Variants in OR4C46 observed in about 807,000 individuals in gnomAD.
OR4C46 encodes olfactory receptor 4C46.
OR4C46 carries 17 observed loss-of-function variants against 11.8 expected under a neutral mutation model. The ratio of observed to expected loss-of-function variants is 1.44; its 90% CI spans 0.98 to 2.16. The LOEUF (loss-of-function observed/expected upper bound fraction) is 2.16. Ranked by LOEUF, OR4C46 falls within the 30% of genes most tolerant of loss-of-function variation. OR4C46 has a pLI of 0.00. For synonymous variants in OR4C46, 224 were observed against 137.6 expected, an observed-to-expected ratio of 1.63 and a Z score of -4.39; for missense variants, 606 against 372.1, an observed-to-expected ratio of 1.63 and a Z score of -5.17.
In OR4C46 at chr11:54,603,610, T is replaced by C. The variant is rs747065347; in HGVS notation, c.389A>G (p.Tyr130Cys). 3 of 1,614,014 alleles carry C rather than the reference T, an allele frequency of 1.9e-6. No homozygotes were observed. Among genetic ancestry groups the C allele is most frequent in the Non-Finnish European group, 2.5e-6 (3 of 1,180,000 alleles). The part of the protein sequence containing the change: ...HYVAICKPLH[Y>C]MTIMNQCVCA... The stretch of plus-strand genomic sequence containing the variant: ...CACACACTGGTTCATGATAGTCATA[T>C]AGTGCAAGGGCTTGCAGATGGCCAC... The change falls in exon 1 of 1, where the codon TAT (tyrosine) becomes TGT (cysteine). Residue 130 changes from tyrosine (Y) to cysteine (C), a missense_variant. Physicochemically the swap from Tyr to Cys is radical, Grantham distance 194 (BLOSUM62 -2). Coordinates refer to ENST00000328188, the MANE Select transcript of OR4C46 (RefSeq NM_001004703.1).
At position 54,603,971 on chromosome 11, in the gene OR4C46, A is replaced by G. The variant is rs749495048; in HGVS notation, c.28T>C (p.Phe10Leu). ...TTCTCTGTAAGCCCCAGCAAAACAA[A>G]CTCTGTCATGTTATTCCTATTCTCC... The part of the protein sequence containing the change: MENRNNMTE[F>L]VLLGLTENPK... The change falls in exon 1 of 1, where the codon TTT becomes CTT. Residue 10 changes from phenylalanine (F) to leucine (L), a missense_variant. Physicochemically the swap from Phe to Leu is conservative, Grantham distance 22. Transcript: ENST00000328188. The G allele has an allele frequency of 1.1e-5, 17 of 1,613,184 alleles. No individual in the cohort carries two copies. The highest frequency in any genetic ancestry group is 1.7e-5 in the Admixed American group (1 of 59,970).
Position 54,603,477 on chromosome 11 carries a change from G to C in OR4C46, c.522C>G (p.His174Gln), listed in dbSNP as rs139286492. 7 of 1,613,662 alleles carry C rather than the reference G, an allele frequency of 4.3e-6. No individual in the cohort carries two copies. Among genetic ancestry groups the C allele is most frequent in the East Asian group, 2.2e-5 (1 of 44,854 alleles). The change falls in exon 1 of 1, where the codon CAC becomes CAG. Residue 174 changes from histidine to glutamine, a missense_variant. Transcript: ENST00000328188. ...LPFCGPNVID[H>Q]FMCDLNPLLN... ...GCAAAGGGTTCAGATCACACATAAA[G>C]TGATCTATGACATTAGGACCACAGA...
rs757524483 is a variant in OR4C46 at position 54,603,462 on chromosome 11, C to G, written c.537G>C (p.Leu179=). 1.9e-6 allele frequency: 3 copies of G among 1,613,650 alleles called. No individual in the cohort carries two copies. The East Asian group carries it at 6.7e-5, about 36-fold the overall frequency. Reference sequence around the variant, plus strand: ...TGCAGGCGAGGTTGAGCAAAGGGTTCAGATCACACATAAAGTGATCTATGA... The same window carrying G: ...TGCAGGCGAGGTTGAGCAAAGGGTTGAGATCACACATAAAGTGATCTATGA... The part of the protein sequence containing the change: ...PNVIDHFMCD[L]NPLLNLACTD... Residue 179 remains leucine (L), a synonymous_variant, in exon 1 of 1, where the codon CTG becomes CTC. Transcript: ENST00000328188.
At position 54,603,843 on chromosome 11, in the gene OR4C46, T is replaced by C; in HGVS notation, c.156A>G (p.Ser52=). ...GGGAAAGGTACATGGGGGACCCCAG[T>C]GATGGGCTGGCAGTGATGGTGACCA... The part of the protein sequence containing the change: ...LIVVTITASP[S]LGSPMYLSLA... The change falls in exon 1 of 1, where the codon TCA becomes TCG. Residue 52 remains serine (S), a synonymous_variant. Transcript: ENST00000328188. 6.2e-7 allele frequency: 1 copy of C among 1,600,294 alleles called. No individual in the cohort carries two copies. Among genetic ancestry groups the C allele is most frequent in the Non-Finnish European group, 8.5e-7 (1 of 1,179,430 alleles).
rs532542447 is a variant in OR4C46 at position 54,603,206 on chromosome 11, T to C, written c.793A>G (p.Ile265Val). Residue 265 changes from isoleucine (I) to valine (V), a missense_variant, in exon 1 of 1, where the codon ATT becomes GTT. By Grantham distance (29) the Ile-to-Val change is conservative. Transcript: ENST00000328188. ...TAGAATATAGCAACTGCTTTATCAA[T>C]AGGTAAAGTAGCTGCAGGTCTCATG... is the stretch of plus-strand genomic sequence containing the variant. ...VYMRPAATLP[I>V]DKAVAIFYTM... 1.9e-6 allele frequency: 3 copies of C among 1,605,172 alleles called. No homozygotes were observed. Among genetic ancestry groups the C allele is most frequent in the East Asian group, 2.2e-5 (1 of 44,732 alleles).
chr11:54,603,779 C>G lies in OR4C46; in HGVS notation c.220G>C (p.Val74Leu). Residue 74 changes from valine to leucine, a missense_variant, in exon 1 of 1, where the codon GTC becomes CTC. Val to Leu is a conservative substitution (Grantham distance 32, BLOSUM62 1). Coordinates refer to ENST00000328188, the MANE Select transcript of OR4C46 (RefSeq NM_001004703.1). The part of the protein sequence containing the change: ...LSFIDACYSS[V>L]NTPNLITHSL... ...TGTGTGATCAGGTTAGGGGTATTGA[C>G]AGAGGAATAGCAGGCATCAATAAAG... 1 of 1,613,628 alleles carries G rather than the reference C, an allele frequency of 6.2e-7. No individual in the cohort carries two copies. Among genetic ancestry groups the G allele is most frequent in the Non-Finnish European group, 8.5e-7 (1 of 1,179,794 alleles).
rs768523370 is a variant in OR4C46, at chr11:54,603,853, G to A, written c.146C>T (p.Ala49Val). The change falls in exon 1 of 1, where the codon GCC becomes GTC. Residue 49 changes from alanine to valine, a missense_variant. By Grantham distance (64) the Ala-to-Val change is moderately conservative. Coordinates refer to ENST00000328188, the MANE Select transcript of OR4C46 (RefSeq NM_001004703.1). ...GYVLIVVTIT[A>V]SPSLGSPMYL... ...CATGGGGGACCCCAGTGATGGGCTG[G>A]CAGTGATGGTGACCACAATGAGCAC... 1.2e-6 allele frequency: 2 copies of A among 1,600,300 alleles called. No homozygotes were observed. Among genetic ancestry groups the A allele is most frequent in the Non-Finnish European group, 1.7e-6 (2 of 1,179,442 alleles).
rs1211497244 is a variant in OR4C46, at chr11:54,603,595, T to A, written c.404A>T (p.Asn135Ile). 2 of 1,613,948 alleles carry A rather than the reference T, an allele frequency of 1.2e-6. No homozygotes were observed. The highest frequency in any genetic ancestry group is 1.7e-6 in the Non-Finnish European group (2 of 1,179,970). Residue 135 changes from asparagine (N) to isoleucine (I), a missense_variant, in exon 1 of 1, where the codon AAC becomes ATC. By Grantham distance (149) the Asn-to-Ile change is moderately radical. Coordinates refer to ENST00000328188, the MANE Select transcript of OR4C46 (RefSeq NM_001004703.1). ...CATTAGCAGGGCACACACACACTGG[T>A]TCATGATAGTCATATAGTGCAAGGG... is the stretch of plus-strand genomic sequence containing the variant. ...CKPLHYMTIMNQCVCALLMGV... is the reference protein window; with the variant it reads ...CKPLHYMTIMIQCVCALLMGV...
In OR4C46 at chr11:54,603,778, A is replaced by T; in HGVS notation, c.221T>A (p.Val74Asp). 6.2e-7 allele frequency: 1 copy of T among 1,613,778 alleles called. No individual in the cohort carries two copies. Among genetic ancestry groups the T allele is most frequent in the South Asian group, 1.1e-5 (1 of 91,074 alleles). Reference protein sequence around the residue: ...LSFIDACYSSVNTPNLITHSL... With the variant: ...LSFIDACYSSDNTPNLITHSL... ...ATGTGTGATCAGGTTAGGGGTATTG[A>T]CAGAGGAATAGCAGGCATCAATAAA... The change falls in exon 1 of 1, where the codon GTC becomes GAC. Residue 74 changes from valine to aspartate, a missense_variant. Val to Asp is a radical substitution (Grantham distance 152, BLOSUM62 -3). Transcript: ENST00000328188.
At position 54,603,875 on chromosome 11, in the gene OR4C46, G is replaced by A. The variant is rs145678822; in HGVS notation, c.124C>T (p.Leu42Phe). 76 of 1,613,402 alleles carry A rather than the reference G, an allele frequency of 4.7e-5. No individual in the cohort carries two copies. The highest frequency in any genetic ancestry group is 5.8e-5 in the Non-Finnish European group (68 of 1,179,796). The change falls in exon 1 of 1, where the codon CTC (leucine) becomes TTC (phenylalanine). Residue 42 changes from leucine to phenylalanine, a missense_variant. Transcript: ENST00000328188. Reference protein sequence around the residue: ...IYIITVVGYVLIVVTITASPS... With the variant: ...IYIITVVGYVFIVVTITASPS... ...CTGGCAGTGATGGTGACCACAATGAGCACATATCCCACCACAGTGATGATA... is the reference window on the plus strand; with the variant it reads ...CTGGCAGTGATGGTGACCACAATGAACACATATCCCACCACAGTGATGATA...
chr11:54,603,580 G>A lies in OR4C46; in HGVS notation c.419C>T (p.Ala140Val), dbSNP rs959220684. The A allele has an allele frequency of 1.9e-6, 3 of 1,613,994 alleles. No homozygotes were observed. Among genetic ancestry groups the A allele is most frequent in the Non-Finnish European group, 2.5e-6 (3 of 1,179,950 alleles). The change falls in exon 1 of 1, where the codon GCC becomes GTC. Residue 140 changes from alanine to valine, a missense_variant. Transcript: ENST00000328188. ...CATCCACACCACTCCCATTAGCAGG[G>A]CACACACACACTGGTTCATGATAGT... ...YMTIMNQCVCALLMGVVWMGG... is the reference protein window; with the variant it reads ...YMTIMNQCVCVLLMGVVWMGG...
In OR4C46 at chr11:54,603,830, T is replaced by A; in HGVS notation, c.169A>T (p.Met57Leu). Reference sequence around the variant, plus strand: ...GAGAGATAGGCCAGGGAAAGGTACATGGGGGACCCCAGTGATGGGCTGGCA... The same window carrying A: ...GAGAGATAGGCCAGGGAAAGGTACAAGGGGGACCCCAGTGATGGGCTGGCA... Reference protein sequence around the residue: ...ITASPSLGSPMYLSLAYLSFI... With the variant: ...ITASPSLGSPLYLSLAYLSFI... The change falls in exon 1 of 1, where the codon ATG (methionine) becomes TTG (leucine). Residue 57 changes from methionine (M) to leucine (L), a missense_variant. By Grantham distance (15) the Met-to-Leu change is conservative (BLOSUM62 2). Coordinates refer to ENST00000328188, the MANE Select transcript of OR4C46 (RefSeq NM_001004703.1). 6.2e-7 allele frequency: 1 copy of A among 1,613,308 alleles called. No individual in the cohort carries two copies. Among genetic ancestry groups the A allele is most frequent in the Non-Finnish European group, 8.5e-7 (1 of 1,179,820 alleles).
In OR4C46 at chr11:54,603,448, T is replaced by C. The variant is rs542907725; in HGVS notation, c.551A>G (p.Asn184Ser). 3.7e-5 allele frequency: 60 copies of C among 1,613,394 alleles called. No individual in the cohort carries two copies. The East Asian group carries it at 1.3e-3, about 35-fold the overall frequency. Residue 184 changes from asparagine to serine, a missense_variant, in exon 1 of 1, where the codon AAC (asparagine) becomes AGC (serine). By Grantham distance (46) the Asn-to-Ser change is conservative. Transcript: ENST00000328188. Reference protein sequence around the residue: ...HFMCDLNPLLNLACTDTHMLE... With the variant: ...HFMCDLNPLLSLACTDTHMLE... ...CATATGGGTGTCAGTGCAGGCGAGG[T>C]TGAGCAAAGGGTTCAGATCACACAT... is the stretch of plus-strand genomic sequence containing the variant.
At position 54,603,494 on chromosome 11, in the gene OR4C46, G is replaced by A; in HGVS notation, c.505C>T (p.Pro169Ser). Residue 169 changes from proline to serine, a missense_variant, in exon 1 of 1, where the codon CCT (proline) becomes TCT (serine). Transcript: ENST00000328188. ...LFIFQLPFCG[P>S]NVIDHFMCDL... ...CACATAAAGTGATCTATGACATTAGGACCACAGAAAGGTAATTGGAAGATG... is the reference window on the plus strand; with the variant it reads ...CACATAAAGTGATCTATGACATTAGAACCACAGAAAGGTAATTGGAAGATG... 1.9e-6 allele frequency: 3 copies of A among 1,613,634 alleles called. No individual in the cohort carries two copies. Among genetic ancestry groups the A allele is most frequent in the Non-Finnish European group, 2.5e-6 (3 of 1,179,650 alleles).
In OR4C46 at chr11:54,603,793, G is replaced by A. The variant is rs766433778; in HGVS notation, c.206C>T (p.Ala69Val). 1.2e-6 allele frequency: 2 copies of A among 1,613,846 alleles called. No individual in the cohort carries two copies. The highest frequency in any genetic ancestry group is 1.1e-5 in the South Asian group (1 of 91,074). The change falls in exon 1 of 1, where the codon GCC becomes GTC. Residue 69 changes from alanine (A) to valine (V), a missense_variant. Ala to Val is a moderately conservative substitution (Grantham distance 64). Coordinates refer to ENST00000328188, the MANE Select transcript of OR4C46 (RefSeq NM_001004703.1). The stretch of plus-strand genomic sequence containing the variant: ...AGGGGTATTGACAGAGGAATAGCAG[G>A]CATCAATAAAGGAGAGATAGGCCAG... ...LSLAYLSFID[A>V]CYSSVNTPNL...
rs770974918 is a variant in OR4C46 at position 54,603,258 on chromosome 11, T to G, written c.741A>C (p.Leu247Phe). Residue 247 changes from leucine to phenylalanine, a missense_variant, in exon 1 of 1, where the codon TTA (leucine) becomes TTC (phenylalanine). Leu to Phe is a conservative substitution (Grantham distance 22). Coordinates refer to ENST00000328188, the MANE Select transcript of OR4C46 (RefSeq NM_001004703.1). ...ACACAAATATGCAGGGCACAAAGAA[T>G]AAGATGACAACCGTGATGTGGGAGA... ...TCVSHITVVILFFVPCIFVYM... is the reference protein window; with the variant it reads ...TCVSHITVVIFFFVPCIFVYM... The G allele has an allele frequency of 1.2e-4, 199 of 1,613,128 alleles. 2 individuals are homozygous for G. The South Asian group carries it at 1.4e-3, about 12-fold the overall frequency.
Position 54,603,583 on chromosome 11 carries a change from C to T in OR4C46, c.416G>A (p.Cys139Tyr), listed in dbSNP as rs200340782. The T allele has an allele frequency of 3.9e-5, 63 of 1,613,954 alleles. No homozygotes were observed. Among genetic ancestry groups the T allele is most frequent in the East Asian group, 2.2e-4 (10 of 44,886 alleles). ...CCACACCACTCCCATTAGCAGGGCACACACACACTGGTTCATGATAGTCAT... is the reference window on the plus strand; with the variant it reads ...CCACACCACTCCCATTAGCAGGGCATACACACACTGGTTCATGATAGTCAT... ...HYMTIMNQCV[C>Y]ALLMGVVWMG... Residue 139 changes from cysteine (C) to tyrosine (Y), a missense_variant, in exon 1 of 1, where the codon TGT becomes TAT. Physicochemically the swap from Cys to Tyr is radical, Grantham distance 194 (BLOSUM62 -2). Coordinates refer to ENST00000328188, the MANE Select transcript of OR4C46 (RefSeq NM_001004703.1).
chr11:54,603,707 G>C lies in OR4C46; in HGVS notation c.292C>G (p.Gln98Glu). ...CCGAAGAAATGTTCTCCAAAGACTTGAGTCATGCATCCATTGAATAGGATG... is the reference window on the plus strand; with the variant it reads ...CCGAAGAAATGTTCTCCAAAGACTTCAGTCATGCATCCATTGAATAGGATG... ...KAILFNGCMT[Q>E]VFGEHFFGGA... is the part of the protein sequence containing the mutation. The change falls in exon 1 of 1, where the codon CAA (glutamine) becomes GAA (glutamate). Residue 98 changes from glutamine to glutamate, a missense_variant. Physicochemically the swap from Gln to Glu is conservative, Grantham distance 29. Coordinates refer to ENST00000328188, the MANE Select transcript of OR4C46 (RefSeq NM_001004703.1). 1 of 1,614,042 alleles carries C rather than the reference G, an allele frequency of 6.2e-7. No homozygotes were observed. The highest frequency in any genetic ancestry group is 8.5e-7 in the Non-Finnish European group (1 of 1,179,926).
chr11:54,603,733 G>A lies in OR4C46; in HGVS notation c.266C>T (p.Ala89Val), dbSNP rs144006817. The A allele has an allele frequency of 2.6e-5, 42 of 1,613,792 alleles. No homozygotes were observed. Among genetic ancestry groups the A allele is most frequent in the Admixed American group, 1.7e-5 (1 of 59,990 alleles). Residue 89 changes from alanine to valine, a missense_variant, in exon 1 of 1, where the codon GCC (alanine) becomes GTC (valine). Coordinates refer to ENST00000328188, the MANE Select transcript of OR4C46 (RefSeq NM_001004703.1). Reference protein sequence around the residue: ...LITHSLYGKKAILFNGCMTQV... With the variant: ...LITHSLYGKKVILFNGCMTQV... ...AGTCATGCATCCATTGAATAGGATGGCCTTCTTTCCATAGAGTGAATGTGT... is the reference window on the plus strand; with the variant it reads ...AGTCATGCATCCATTGAATAGGATGACCTTCTTTCCATAGAGTGAATGTGT...
Sources: gnomAD v4.1 joint callset for allele counts on GRCh38, gnomAD v4.1.1 for gene constraint, MANE v1.5 for transcripts, NCBI Gene and HGNC (gene_info 2026-07-23, HGNC 2026-07-21) for gene names.